The following PXYLP1 variants were observed in gnomAD, a reference collection of about 807,000 sequenced individuals.
PXYLP1 encodes the protein 2-phosphoxylose phosphatase 1.
Under a neutral mutation model 37.9 loss-of-function variants are expected in PXYLP1, and 17 were observed. That is an observed-to-expected ratio of 0.45 (90% CI 0.31 to 0.67). PXYLP1 has a LOEUF of 0.67. Among genes scored for constraint, PXYLP1 ranks in the 30% least tolerant of loss-of-function variants. The pLI is 0.07. For synonymous variants in PXYLP1, 221 were observed against 232.2 expected (o/e 0.95, Z 0.44); for missense variants, 511 against 612.0 (o/e 0.84, Z 1.74).
rs1286682231 is a variant in PXYLP1, at chr3:141,287,305, T to C, written c.366-9T>C. ...CTCTGACCTCTAACTCTCTCTATCATCTCTCTAGGAAACCGTATCACCCAA... is the reference window on the plus strand; with the variant it reads ...CTCTGACCTCTAACTCTCTCTATCACCTCTCTAGGAAACCGTATCACCCAA... On this transcript the variant is annotated splice_polypyrimidine_tract_variant and intron_variant, in intron 4 of 5. Coordinates refer to ENST00000286353, the MANE Select transcript of PXYLP1 (RefSeq NM_001037172.3). 1 of 1,613,496 alleles carries C rather than the reference T, an allele frequency of 6.2e-7. No homozygotes were observed.
Position 141,278,471 on chromosome 3 carries a change from T to G in PXYLP1, c.209T>G (p.Ile70Ser). 1 of 1,614,100 alleles carries G rather than the reference T, an allele frequency of 6.2e-7. No homozygotes were observed. Among genetic ancestry groups the G allele is most frequent in the Non-Finnish European group, 8.5e-7 (1 of 1,180,010 alleles). ...PVYEALLYCN[I>S]PSVAERSMEG... is the part of the protein sequence containing the mutation. ...TATGAAGCTCTTTTGTACTGCAACA[T>G]CCCCAGCGTGGCCGAGCGCAGCATG... Residue 70 changes from isoleucine (I) to serine (S), a missense_variant, in exon 3 of 6, where the codon ATC (isoleucine) becomes AGC (serine). Transcript: ENST00000286353.
intron 1 of PXYLP1, among the ~76,000 whole-genome samples, chr3:141,237,947 G>T (rs1299412757): frequency 6.6e-6 from 1 of 152,218 alleles, no homozygotes. Context: ...GCCACAGGTT[G>T]TTAGTGGGAA....
intron 2 of PXYLP1, among the ~76,000 whole-genome samples, chr3:141,266,211 AATTT>A (rs1452318683): frequency 1.3e-5 from 2 of 152,104 alleles, no homozygotes; most frequent in African/African-American, 4.8e-5. Context: ...TAGATTTTTT[AATTT>A]ATTTACCAAA....
intron 1 of PXYLP1, among the ~76,000 whole-genome samples, chr3:141,237,688 C>T (rs552514225): frequency 6.6e-6 from 1 of 152,344 alleles, no homozygotes; most frequent in South Asian, 2.1e-4. Flanking sequence ...CGCCAACTGA[C>T]TGCACTGAGA....
At chr3:141,274,824 C>A (rs781380231) in intron 2 of PXYLP1, among the ~76,000 whole-genome samples, 4 of 152,144 alleles carry the variant, frequency 2.6e-5, no homozygotes, top group Non-Finnish European at 4.4e-5. Context: ...GGATTCAGGG[C>A]GGGCTTCCTG....
chr3:141,239,761 C>T (rs978644914), intron 1 of PXYLP1, among the ~76,000 whole-genome samples: 10 of 152,248 alleles, frequency 6.6e-5, no homozygotes, highest in African/African-American at 2.4e-4. Context: ...AATGCTCACA[C>T]TCTCCTGGGA....
chr3:141,258,256 A>G (rs1343506929), intron 1 of PXYLP1, among the ~76,000 whole-genome samples: 4 of 152,208 alleles, frequency 2.6e-5, no homozygotes, highest in Non-Finnish European at 4.4e-5. Flanking sequence ...CCTGAAGACA[A>G]GATTTGCACC....
At chr3:141,275,684 A>G (rs1428431438) in intron 2 of PXYLP1, among the ~76,000 whole-genome samples, 1 of 152,216 alleles carries the variant, frequency 6.6e-6, no homozygotes, top group East Asian at 1.9e-4. Context: ...CTGGAAAGAA[A>G]GTGGCCCTAG....
At chr3:141,265,742 C>T (rs72982519) in intron 2 of PXYLP1, among the ~76,000 whole-genome samples, 4,168 of 152,186 alleles carry the variant, frequency 0.027, 177 homozygotes, top group African/African-American at 0.087. Context: ...CATTCATTCA[C>T]GTAAATGACT....
At position 141,292,594 on chromosome 3, in the gene PXYLP1, A is replaced by G. The variant is rs755928387; in HGVS notation, c.832A>G (p.Met278Val). Residue 278 changes from methionine (M) to valine (V), a missense_variant, in exon 6 of 6, where the codon ATG becomes GTG. Coordinates refer to ENST00000286353, the MANE Select transcript of PXYLP1 (RefSeq NM_001037172.3). This position sits in a 1 kb window ranked among gnomAD's most constrained non-coding sequence, Gnocchi z 4.3. The part of the protein sequence containing the change: ...NSQLEKTYGE[M>V]AKIVDVPTKQ... ...CCAGCTGGAGAAGACCTACGGGGAGATGGCCAAGATCGTGGATGTCCCCAC... is the reference window on the plus strand; with the variant it reads ...CCAGCTGGAGAAGACCTACGGGGAGGTGGCCAAGATCGTGGATGTCCCCAC... 3 of 1,614,006 alleles carry G rather than the reference A, an allele frequency of 1.9e-6. No homozygotes were observed. The Admixed American group carries it at 5.0e-5, about 27-fold the overall frequency.
At chr3:141,268,930 C>G (rs77233341) in intron 2 of PXYLP1, among the ~76,000 whole-genome samples, 4 of 152,342 alleles carry the variant, frequency 2.6e-5, no homozygotes, top group Non-Finnish European at 4.4e-5. Flanking sequence ...TTGCCTTTCT[C>G]TTTTCCCTGT....
chr3:141,272,905 C>G, intron 2 of PXYLP1: 1 of 881,470 alleles, frequency 1.1e-6, no homozygotes, highest in South Asian at 5.2e-5. Flanking sequence ...TGGCAGCACA[C>G]TCATAGACAC....
intron 2 of PXYLP1, among the ~76,000 whole-genome samples, chr3:141,260,640 T>C (rs912217422): frequency 1.3e-5 from 2 of 152,178 alleles, no homozygotes; most frequent in Non-Finnish European, 2.9e-5. Context: ...TGGAGTTGTT[T>C]CGGGGAGGGT....
chr3:141,274,585 T>G (rs965619173), intron 2 of PXYLP1: 1 of 950,832 alleles, frequency 1.1e-6, no homozygotes, highest in Non-Finnish European at 1.6e-6. Context: ...AGATATTTCA[T>G]CAAAAGCATG....
rs1222348138 is a variant in PXYLP1, at chr3:141,285,521, C to CA, written c.366-1791dup. ...CCAAAAACAAACAACACAACAACAACAACAAAAAAAAACAAAAATAAAAAA... is the reference window on the plus strand; with the variant it reads ...CCAAAAACAAACAACACAACAACAACAAACAAAAAAAAACAAAAATAAAAAA... On this transcript the variant is annotated intron_variant, in intron 4 of 5. Coordinates refer to ENST00000286353, the MANE Select transcript of PXYLP1 (RefSeq NM_001037172.3). Among the ~76,000 whole-genome samples the CA allele has an allele frequency of 1.9e-4, 28 of 151,058 alleles. No homozygotes were observed. In the East Asian group the frequency reaches 4.3e-3, roughly 23 times the overall value.
intron 1 of PXYLP1, among the ~76,000 whole-genome samples, chr3:141,246,524 G>A (rs960701835): frequency 9.2e-5 from 14 of 152,234 alleles, no homozygotes; most frequent in African/African-American, 2.7e-4. Context: ...TCAACAAGGT[G>A]AGAAAGTGGA....
Position 141,248,642 on chromosome 3 carries a change from TGTATATATAC to T in PXYLP1, c.-53-11480_-53-11471del, listed in dbSNP as rs1559881594. 1.7e-4 allele frequency among the ~76,000 whole-genome samples: 17 copies of T among 99,274 alleles called. 1 individual carries two copies. Among genetic ancestry groups the T allele is most frequent in the African/African-American group, 7.8e-4 (15 of 19,242 alleles). 65.1% of individuals were successfully genotyped at this position (99,274 alleles called of 152,430 possible). A position where few individuals can be genotyped will look rare whatever the true frequency, so the allele number is the denominator to read the frequency against. ...ATACACACACGTATATATACACACGTGTATATATACACACGTATATATACACACACGTGTA... is the reference window on the plus strand; with the variant it reads ...ATACACACACGTATATATACACACGTACACGTATATATACACACACGTGTA... On this transcript the variant is annotated intron_variant, in intron 1 of 5. Transcript: ENST00000286353.
At chr3:141,291,290 A>G (rs115547793) in intron 5 of PXYLP1, among the ~76,000 whole-genome samples, 3,075 of 152,270 alleles carry the variant, frequency 0.02, 35 homozygotes, top group Middle Eastern at 0.044. Context: ...CTACTACAGG[A>G]TGAGAGTGAG....
Position 141,248,235 on chromosome 3 carries a change from G to A in PXYLP1, c.-53-11888G>A, listed in dbSNP as rs545726943. ...TTTAGTAGAGACAGGGTGTCACCAT[G>A]TTGGTTAGGCTGGTCTCGAACTCCT... On this transcript the variant is annotated intron_variant, in intron 1 of 5. Transcript: ENST00000286353. Among the ~76,000 whole-genome samples the A allele has an allele frequency of 8.6e-5, 13 of 152,004 alleles. 1 individual carries two copies. The highest frequency in any genetic ancestry group is 7.9e-4 in the Admixed American group (12 of 15,258).
Sources: gnomAD v4.1 joint callset for allele counts (sites outside exome capture counted in the v4.1 genomes callset) on GRCh38, gnomAD v4.1.1 for gene constraint, Gnocchi (gnomAD v3.1) non-coding constraint, MANE v1.5 for transcripts, NCBI Gene and HGNC (gene_info 2026-07-23, HGNC 2026-07-21) for gene names.